FBXL17: variants seen among roughly 807,000 people sequenced by gnomAD.
FBXL17 encodes F-box and leucine rich repeat protein 17.
In FBXL17, 22 loss-of-function variants were observed where a neutral mutation model predicts 66.2. The ratio of observed to expected loss-of-function variants is 0.33; its 90% CI spans 0.24 to 0.47. The LOEUF (loss-of-function observed/expected upper bound fraction) is 0.47, where lower values mean the gene tolerates loss of function less well. Ranked by LOEUF, FBXL17 falls within the 20% of genes least tolerant of loss-of-function variation. The probability of loss-of-function intolerance (pLI) is 1.00; values close to 1 mark genes in which losing one functional copy is unlikely to be tolerated. For synonymous variants in FBXL17, 474 were observed against 400.5 expected, an observed-to-expected ratio of 1.18 and a Z score of -2.19; for missense variants, 878 against 948.2, an observed-to-expected ratio of 0.93 and a Z score of 0.97.
intron 6 of FBXL17, among the ~76,000 whole-genome samples, chr5:108,103,820 T>C (rs1749689253): frequency 6.6e-6 from 1 of 152,204 alleles, no homozygotes; most frequent in South Asian, 2.1e-4. Context: ...CTACATGTAT[T>C]TGACTTCTCA....
chr5:108,247,327 A>C (rs1756147598), intron 4 of FBXL17, among the ~76,000 whole-genome samples: 1 of 152,112 alleles, frequency 6.6e-6, no homozygotes, highest in African/African-American at 2.4e-5. Flanking sequence ...ACCATTGTAA[A>C]GAAAAAAAAA....
intron 6 of FBXL17, among the ~76,000 whole-genome samples, chr5:108,161,099 C>T (rs1580534611): frequency 6.6e-6 from 1 of 151,932 alleles, no homozygotes; most frequent in South Asian, 2.1e-4. Flanking sequence ...TAAATGGTAG[C>T]CTGTTAAGAG....
chr5:107,928,647 G>C (rs751789923), intron 7 of FBXL17, among the ~76,000 whole-genome samples: 1 of 151,952 alleles, frequency 6.6e-6, no homozygotes, highest in Non-Finnish European at 1.5e-5. Context: ...TTCATTTTTG[G>C]GGGGAAGGAG....
intron 4 of FBXL17, among the ~76,000 whole-genome samples, chr5:108,282,207 G>A (rs1292242336): frequency 6.6e-6 from 1 of 151,598 alleles, no homozygotes; most frequent in Non-Finnish European, 1.5e-5. Context: ...AAAAATGAAA[G>A]ACACAACATA....
chr5:108,124,945 A>G (rs945965057), intron 6 of FBXL17, among the ~76,000 whole-genome samples: 6 of 152,060 alleles, frequency 3.9e-5, no homozygotes, highest in African/African-American at 1.2e-4. Context: ...CCTTTTCAAG[A>G]AAGGAAAACG....
chr5:107,959,360 T>G (rs1362871861), intron 7 of FBXL17, among the ~76,000 whole-genome samples: 1 of 146,150 alleles, frequency 6.8e-6, no homozygotes, highest in Non-Finnish European at 1.5e-5. Flanking sequence ...TGGTCATTAT[T>G]TAACATACAG....
intron 4 of FBXL17, among the ~76,000 whole-genome samples, chr5:108,308,703 C>CCTGTAGTTGATAAGA (rs1758973289): frequency 3.3e-5 from 5 of 151,440 alleles, no homozygotes; most frequent in Admixed American, 2.6e-4. Context: ...GCCTTCACTT[C>CCTGTAGTTGATAAGA]CTCCATCCTT....
intron 4 of FBXL17, chr5:108,298,839 C>T (rs1758457809): frequency 1.1e-6 from 1 of 904,602 alleles, no homozygotes; most frequent in African/African-American, 1.8e-5. Context: ...AAAAACCTAA[C>T]ATGTCAGCAT....
At chr5:107,947,009 G>C (rs1185884173) in intron 7 of FBXL17, among the ~76,000 whole-genome samples, 2 of 151,874 alleles carry the variant, frequency 1.3e-5, no homozygotes, top group Non-Finnish European at 2.9e-5. Context: ...AATTAAAAAA[G>C]AAAGCCCTTG....
At chr5:108,357,036 A>C (rs944291168) in intron 3 of FBXL17, among the ~76,000 whole-genome samples, 3 of 152,092 alleles carry the variant, frequency 2.0e-5, no homozygotes, top group African/African-American at 7.2e-5. Context: ...CAGCAAACAA[A>C]ATTTCAAAAT....
intron 4 of FBXL17, among the ~76,000 whole-genome samples, chr5:108,262,079 T>A (rs1200342744): frequency 3.4e-5 from 4 of 119,080 alleles, no homozygotes; most frequent in Non-Finnish European, 7.0e-5. Context: ...TATTTATTTA[T>A]TTATTTATTT....
chr5:108,339,011 A>G (rs1160858553), intron 4 of FBXL17, among the ~76,000 whole-genome samples: 3 of 152,210 alleles, frequency 2.0e-5, no homozygotes, highest in Admixed American at 2.0e-4. Context: ...GACATTTACA[A>G]TAATGTATCT....
chr5:107,980,717 C>A (rs978410286), intron 7 of FBXL17, among the ~76,000 whole-genome samples: 1 of 130,034 alleles, frequency 7.7e-6, no homozygotes, highest in Non-Finnish European at 1.6e-5. Context: ...AGTGCAGTGG[C>A]GCGATCTCGG....
intron 6 of FBXL17, among the ~76,000 whole-genome samples, chr5:108,067,697 G>A (rs1748169975): frequency 6.6e-6 from 1 of 152,096 alleles, no homozygotes; most frequent in South Asian, 2.1e-4. Flanking sequence ...AAGGGGTGGA[G>A]GGCAAGTATA....
intron 5 of FBXL17, among the ~76,000 whole-genome samples, chr5:108,200,877 T>G (rs1753865640): frequency 6.6e-6 from 1 of 152,158 alleles, no homozygotes; most frequent in African/African-American, 2.4e-5. Flanking sequence ...CTCAATTGCC[T>G]TTAGTCAATG....
intron 4 of FBXL17, among the ~76,000 whole-genome samples, chr5:108,347,989 ACT>A (rs1274154696): frequency 1.3e-5 from 2 of 152,194 alleles, no homozygotes; most frequent in South Asian, 2.1e-4. Context: ...TAAGTAAAAG[ACT>A]CTATTTTACA....
At chr5:108,149,211 C>T (rs779450784) in intron 6 of FBXL17, among the ~76,000 whole-genome samples, 1 of 152,082 alleles carries the variant, frequency 6.6e-6, no homozygotes, top group Non-Finnish European at 1.5e-5. Context: ...AGGGTGGGCT[C>T]TATATCAGAT....
chr5:108,079,180 G>C lies in FBXL17; in HGVS notation c.1746-58179C>G, dbSNP rs1306743521. Among the ~76,000 whole-genome samples, 5 of 147,844 alleles carry C rather than the reference G, an allele frequency of 3.4e-5. No individual in the cohort carries two copies. In the East Asian group the frequency reaches 7.9e-4, roughly 23 times the overall value. On this transcript the variant is annotated intron_variant, in intron 6 of 8. Transcript: ENST00000542267. ...TCTTTTTTTTTTTTTTTATTAATCT[G>C]CCTTTTGTGAGTTGATTTTTTTAGC...
At chr5:108,051,935 C>G (rs893249451) in intron 6 of FBXL17, among the ~76,000 whole-genome samples, 1 of 151,706 alleles carries the variant, frequency 6.6e-6, no homozygotes, top group Non-Finnish European at 1.5e-5. Context: ...ATGGTGAAAC[C>G]CTGTCTCTTC....
Sources: allele counts gnomAD v4.1 joint callset (sites outside exome capture counted in the v4.1 genomes callset), GRCh38; gene constraint gnomAD v4.1.1; transcripts MANE v1.5; gene names NCBI Gene and HGNC (gene_info 2026-07-23, HGNC 2026-07-21).